Variants in NT5C observed in about 807,000 individuals in gnomAD.
NT5C encodes the protein 5'(3')-deoxyribonucleotidase, cytosolic type.
In NT5C, 14 loss-of-function variants were observed where a neutral mutation model predicts 17.6. The observed-to-expected ratio is 0.79, with a 90% CI of 0.52 to 1.24. The LOEUF is 1.24. NT5C is among the 50% of genes most tolerant of loss of function. The pLI is 0.00. For synonymous variants in NT5C, 153 were observed against 119.2 expected (o/e 1.28, Z -1.85); for missense variants, 328 against 278.3 (o/e 1.18, Z -1.27).
In NT5C at chr17:75,131,659, C is replaced by T; in HGVS notation, c.49G>A (p.Asp17Asn). The change falls in exon 1 of 5, where the codon GAC becomes AAC. Residue 17 changes from aspartate to asparagine, a missense_variant. Coordinates refer to ENST00000245552, the MANE Select transcript of NT5C (RefSeq NM_014595.3). Reference sequence around the variant, plus strand: ...CCCCGCAGGAGGCCGGCCTCGAAGTCGGCCAGGACGCCGTCCATGTCCACC... The same window carrying T: ...CCCCGCAGGAGGCCGGCCTCGAAGTTGGCCAGGACGCCGTCCATGTCCACC... Reference protein sequence around the residue: ...VLVDMDGVLADFEAGLLRGFR... With the variant: ...VLVDMDGVLANFEAGLLRGFR... 6.7e-6 allele frequency: 9 copies of T among 1,343,880 alleles called. No homozygotes were observed. Among genetic ancestry groups the T allele is most frequent in the Non-Finnish European group, 8.6e-6 (9 of 1,052,300 alleles). The allele number at this position is 1,343,880 out of a possible 1,614,324, so 83.2% of individuals were successfully genotyped here.
In NT5C at chr17:75,131,207, A is replaced by G; in HGVS notation, c.249T>C (p.Ala83=). Residue 83 remains alanine, a synonymous_variant, in exon 2 of 5, where the codon GCT becomes GCC. Coordinates refer to ENST00000245552, the MANE Select transcript of NT5C (RefSeq NM_014595.3). ...DLEPIPGALD[A]VREMNDLPDT... is the part of the protein sequence containing the mutation. ...CCGGTAGGTCGTTCATCTCCCGCACAGCGTCCAAGGCTCCCGGGATGGGCT... is the reference window on the plus strand; with the variant it reads ...CCGGTAGGTCGTTCATCTCCCGCACGGCGTCCAAGGCTCCCGGGATGGGCT... 1 of 1,613,882 alleles carries G rather than the reference A, an allele frequency of 6.2e-7. No individual in the cohort carries two copies. The highest frequency in any genetic ancestry group is 8.5e-7 in the Non-Finnish European group (1 of 1,180,006).
rs1412353488 is a variant in NT5C at position 75,131,231 on chromosome 17, C to T, written c.225G>A (p.Glu75=). The change falls in exon 2 of 5, where the codon GAG becomes GAA. Residue 75 remains glutamate, a synonymous_variant. Transcript: ENST00000245552. Reference sequence around the variant, plus strand: ...CAGCGTCCAAGGCTCCCGGGATGGGCTCCAGGTCCAGGAAAAAGCCCGGGG... The same window carrying T: ...CAGCGTCCAAGGCTCCCGGGATGGGTTCCAGGTCCAGGAAAAAGCCCGGGG... ...YEAPGFFLDL[E]PIPGALDAVR... 1.2e-6 allele frequency: 2 copies of T among 1,613,926 alleles called. No homozygotes were observed. The highest frequency in any genetic ancestry group is 2.7e-5 in the African/African-American group (2 of 74,950).
Position 75,131,643 on chromosome 17 carries a change from A to C in NT5C, c.65T>G (p.Leu22Arg). The C allele has an allele frequency of 7.3e-7, 1 of 1,364,150 alleles. No homozygotes were observed. The highest frequency in any genetic ancestry group is 9.4e-7 in the Non-Finnish European group (1 of 1,063,890). 84.5% of individuals were successfully genotyped at this position (1,364,150 alleles called of 1,614,324 possible). The change falls in exon 1 of 5, where the codon CTC becomes CGC. Residue 22 changes from leucine (L) to arginine (R), a missense_variant. Physicochemically the swap from Leu to Arg is moderately radical, Grantham distance 102. Coordinates refer to ENST00000245552, the MANE Select transcript of NT5C (RefSeq NM_014595.3). The stretch of plus-strand genomic sequence containing the variant: ...GAAGCGGCGGCGGAAGCCCCGCAGG[A>C]GGCCGGCCTCGAAGTCGGCCAGGAC... ...DGVLADFEAG[L>R]LRGFRRRFPE...
chr17:75,130,943 C>T (rs981786259), intron 3 of NT5C, 76 bp from the exon 4 acceptor site: 8 of 1,608,630 alleles, frequency 5.0e-6, no homozygotes, highest in Non-Finnish European at 6.8e-6. Context: ...GCTCTAAGCC[C>T]TTGAGAGCCC....
chr17:75,131,128 CGCCGGGA>C (rs1448940768), intron 2 of NT5C, 23 bp from the exon 3 acceptor site: 1 of 1,612,502 alleles, frequency 6.2e-7, no homozygotes, highest in Non-Finnish European at 8.5e-7. Flanking sequence ...ACGCGGTTAC[CGCCGGGA>C]GCCAGGAGCC....
chr17:75,131,007 G>C, intron 3 of NT5C, 38 bp downstream of exon 3: 1 of 1,607,018 alleles, frequency 6.2e-7, no homozygotes, highest in Non-Finnish European at 8.5e-7. Flanking sequence ...CAGGATTTAG[G>C]CAGCTCCACG....
chr17:75,131,150 C>G lies in NT5C; in HGVS notation c.275+31G>C, dbSNP rs752821103. 9 of 1,612,280 alleles carry G rather than the reference C, an allele frequency of 5.6e-6. No homozygotes were observed. In the African/African-American group the frequency reaches 1.2e-4, roughly 22 times the overall value. On this transcript the variant is annotated intron_variant, in intron 2 of 4. Coordinates refer to ENST00000245552, the MANE Select transcript of NT5C (RefSeq NM_014595.3). ...TACCGCCGGGAGCCAGGAGCCCGCC[C>G]AGGACTCCGCCCGCCCCCCTCTCTC...
Position 75,130,427 on chromosome 17 carries a change from G to T in NT5C, c.*61C>A. 3 of 1,594,384 alleles carry T rather than the reference G, an allele frequency of 1.9e-6. No individual in the cohort carries two copies. Among genetic ancestry groups the T allele is most frequent in the Non-Finnish European group, 2.6e-6 (3 of 1,168,696 alleles). ...CACGATGCCGCCCCGACTCGGCTCT[G>T]CGGTGGCCCCTGTGGGCCTGCCCTT... On this transcript the variant is annotated 3_prime_UTR_variant, in exon 5 of 5. Transcript: ENST00000245552.
Position 75,131,661 on chromosome 17 carries a change from GC to G in NT5C, c.46del (p.Ala16ProfsTer72). 1 of 1,341,996 alleles carries G rather than the reference GC, an allele frequency of 7.5e-7. No homozygotes were observed. Among genetic ancestry groups the G allele is most frequent in the South Asian group, 1.9e-5 (1 of 52,828 alleles). 83.1% of individuals were successfully genotyped at this position (1,341,996 alleles called of 1,614,324 possible). ...RVLVDMDGVL[A>X]DFEAGLLRGF... ...CCGCAGGAGGCCGGCCTCGAAGTCG[GC>G]CAGGACGCCGTCCATGTCCACCAGC... On this transcript the variant is annotated frameshift_variant, in exon 1 of 5. Transcript: ENST00000245552. LOFTEE classifies it high-confidence loss of function.
At position 75,131,666 on chromosome 17, in the gene NT5C, G is replaced by A. The variant is rs2074129595; in HGVS notation, c.42C>T (p.Val14=). 1 of 1,339,472 alleles carries A rather than the reference G, an allele frequency of 7.5e-7. No homozygotes were observed. The allele number at this position is 1,339,472 out of a possible 1,614,324, so 83.0% of individuals were successfully genotyped here. A position where few individuals can be genotyped will look rare whatever the true frequency, so the allele number is the denominator to read the frequency against. Reference sequence around the variant, plus strand: ...GGAGGCCGGCCTCGAAGTCGGCCAGGACGCCGTCCATGTCCACCAGCACGC... The same window carrying A: ...GGAGGCCGGCCTCGAAGTCGGCCAGAACGCCGTCCATGTCCACCAGCACGC... ...SVRVLVDMDG[V]LADFEAGLLR... The change falls in exon 1 of 5, where the codon GTC becomes GTT. Residue 14 remains valine, a synonymous_variant. Transcript: ENST00000245552.
chr17:75,130,337 G>T lies in NT5C; in HGVS notation c.*151C>A. ...CGGGAGGTACCGGGTGGCTGGGCCT[G>T]GGGCCCGGTAGCACAGCGCTTAACG... On this transcript the variant is annotated 3_prime_UTR_variant, in exon 5 of 5. Coordinates refer to ENST00000245552, the MANE Select transcript of NT5C (RefSeq NM_014595.3). The T allele has an allele frequency of 2.0e-6, 2 of 998,696 alleles. No individual in the cohort carries two copies. The highest frequency in any genetic ancestry group is 2.5e-5 in the East Asian group (1 of 40,782). The allele number at this position is 998,696 out of a possible 1,614,324, so 61.9% of individuals were successfully genotyped here.
At position 75,130,827 on chromosome 17, in the gene NT5C, TC is replaced by T. The variant is rs778471670; in HGVS notation, c.376del (p.Glu126AsnfsTer5). On this transcript the variant is annotated frameshift_variant, in exon 4 of 5. Coordinates refer to ENST00000245552, the MANE Select transcript of NT5C (RefSeq NM_014595.3). LOFTEE classifies it high-confidence loss of function. ...VEQHLGPQFV[E>X]RIILTRDKTV... ...CTTGTCCCTTGTCAGGATAATTCGT[TC>T]TACGAACTGGGGCCCCAGGTGCTGC... 3 of 1,613,976 alleles carry T rather than the reference TC, an allele frequency of 1.9e-6. No homozygotes were observed. The highest frequency in any genetic ancestry group is 2.7e-5 in the African/African-American group (2 of 74,910).
rs766560480 is a variant in NT5C at position 75,130,485 on chromosome 17, C to G, written c.*3G>C. 8.1e-6 allele frequency: 13 copies of G among 1,613,080 alleles called. No individual in the cohort carries two copies. The highest frequency in any genetic ancestry group is 1.0e-5 in the Non-Finnish European group (12 of 1,179,648). ...CTCCAGCTGCTGCCCGCGGCATCCCCGCTCATTCCCGCTGCGCAGCTCCGC... is the reference window on the plus strand; with the variant it reads ...CTCCAGCTGCTGCCCGCGGCATCCCGGCTCATTCCCGCTGCGCAGCTCCGC... On this transcript the variant is annotated 3_prime_UTR_variant, in exon 5 of 5. Transcript: ENST00000245552.
chr17:75,131,591 C>G lies in NT5C; in HGVS notation c.117G>C (p.Glu39Asp), dbSNP rs1417998347. 1 of 1,394,184 alleles carries G rather than the reference C, an allele frequency of 7.2e-7. No individual in the cohort carries two copies. The highest frequency in any genetic ancestry group is 9.2e-7 in the Non-Finnish European group (1 of 1,081,426). The allele number at this position is 1,394,184 out of a possible 1,614,324, so 86.4% of individuals were successfully genotyped here. Residue 39 changes from glutamate to aspartate, a missense_variant, in exon 1 of 5, where the codon GAG becomes GAC. Physicochemically the swap from Glu to Asp is conservative, Grantham distance 45 (BLOSUM62 2). Transcript: ENST00000245552. ...RFPEEPHVPL[E>D]QRRGFLAREQ... ...CGCGGGCCAGGAAGCCGCGGCGTTG[C>G]TCCAGCGGCACGTGCGGCTCCTCAG...
Position 75,130,368 on chromosome 17 carries a change from T to C in NT5C, c.*120A>G. On this transcript the variant is annotated 3_prime_UTR_variant, in exon 5 of 5. Transcript: ENST00000245552. ...CGGTAGCACAGCGCTTAACGGTATC[T>C]GCCTGCTCCACTCCACGGGGCCAGA... The C allele has an allele frequency of 7.7e-7, 1 of 1,295,096 alleles. No individual in the cohort carries two copies. Among genetic ancestry groups the C allele is most frequent in the South Asian group, 1.3e-5 (1 of 75,156 alleles). 80.2% of individuals were successfully genotyped at this position (1,295,096 alleles called of 1,614,324 possible). A position where few individuals can be genotyped will look rare whatever the true frequency, so the allele number is the denominator to read the frequency against.
chr17:75,131,012 T>C, intron 3 of NT5C, 33 bp downstream of exon 3: 1 of 1,608,814 alleles, frequency 6.2e-7, no homozygotes, highest in Non-Finnish European at 8.5e-7. Flanking sequence ...TTTAGGCAGC[T>C]CCACGTGCGG....
intron 3 of NT5C, 88 bp downstream of exon 3, chr17:75,130,957 A>AC: frequency 6.2e-7 from 1 of 1,604,206 alleles, no homozygotes; most frequent in Non-Finnish European, 8.5e-7. Context: ...AGAGCCCCCC[A>AC]CCCCCACCTT....
At chr17:75,131,448 G>A (rs1416956175) in intron 1 of NT5C, 86 bp downstream of exon 1, 22 of 1,418,678 alleles carry the variant, frequency 1.6e-5, no homozygotes, top group Non-Finnish European at 2.0e-5. Flanking sequence ...TCCAGGGTGA[G>A]AGCTCTGCGC....
At position 75,130,304 on chromosome 17, in the gene NT5C, C is replaced by T; in HGVS notation, c.*184G>A. ...TTCCATGCCAGCCAGGGTCCAGGGA[C>T]AGCCTCTCGGGAGGTACCGGGTGGC... On this transcript the variant is annotated 3_prime_UTR_variant, in exon 5 of 5. Coordinates refer to ENST00000245552, the MANE Select transcript of NT5C (RefSeq NM_014595.3). 3 of 662,556 alleles carry T rather than the reference C, an allele frequency of 4.5e-6. No homozygotes were observed. The highest frequency in any genetic ancestry group is 5.2e-6 in the Non-Finnish European group (2 of 386,888). The allele number at this position is 662,556 out of a possible 1,614,324, so 41.0% of individuals were successfully genotyped here. A position where few individuals can be genotyped will look rare whatever the true frequency, so the allele number is the denominator to read the frequency against.
Sources: gnomAD v4.1 joint callset for allele counts on GRCh38, gnomAD v4.1.1 for gene constraint, MANE v1.5 for transcripts, NCBI Gene and HGNC (gene_info 2026-07-23, HGNC 2026-07-21) for gene names.